Variants in PCSK6 observed in about 807,000 individuals in gnomAD.
PCSK6 encodes proprotein convertase subtilisin/kexin type 6.
A neutral mutation model predicts 123.3 loss-of-function variants in PCSK6; 85 were observed. The observed-to-expected ratio is 0.69, with a 90% CI of 0.58 to 0.83. The LOEUF is 0.83. Ranked by LOEUF, PCSK6 falls within the 40% of genes least tolerant of loss-of-function variation. The probability of loss-of-function intolerance (pLI) is 0.00; values close to 1 mark genes in which losing one functional copy is unlikely to be tolerated. For synonymous variants in PCSK6, 508 were observed against 516.0 expected (o/e 0.98, Z 0.21); for missense variants, 1,191 against 1,282.3 (o/e 0.93, Z 1.09).
intron 13 of PCSK6, among the ~76,000 whole-genome samples, chr15:101,332,987 C>G (rs2040401873): frequency 6.6e-6 from 1 of 152,190 alleles, no homozygotes; most frequent in Admixed American, 6.5e-5. Flanking sequence ...CAGTACACTC[C>G]TAGACTTAAT....
intron 8 of PCSK6, among the ~76,000 whole-genome samples, chr15:101,392,061 G>A (rs902750362): frequency 6.6e-6 from 1 of 152,164 alleles, no homozygotes; most frequent in African/African-American, 2.4e-5. Context: ...CTGCCTGCAC[G>A]CAGTCCATGT....
chr15:101,347,597 C>T lies in PCSK6; in HGVS notation c.1859-15566G>A, dbSNP rs573845020. Reference sequence around the variant, plus strand: ...CAGTCAATCAACAACTGTTTGTGAGCCATGTCCAAAGTGCTGAGCCTCTGG... The same window carrying T: ...CAGTCAATCAACAACTGTTTGTGAGTCATGTCCAAAGTGCTGAGCCTCTGG... On this transcript the variant is annotated intron_variant, in intron 13 of 21. Transcript: ENST00000611716. The T allele has an allele frequency of 9.8e-5, 146 of 1,488,420 alleles. 2 individuals carry two copies. The South Asian group carries it at 1.9e-3, about 19-fold the overall frequency. The allele number at this position is 1,488,420 out of a possible 1,614,324, so 92.2% of individuals were successfully genotyped here.
At chr15:101,450,229 A>G (rs2056999072) in intron 1 of PCSK6, among the ~76,000 whole-genome samples, 1 of 145,566 alleles carries the variant, frequency 6.9e-6, no homozygotes, top group African/African-American at 2.6e-5. Context: ...CCGCACTGAC[A>G]CTCCCACCCT....
At chr15:101,311,485 C>T (rs1189180600) in intron 20 of PCSK6, among the ~76,000 whole-genome samples, 1 of 151,996 alleles carries the variant, frequency 6.6e-6, no homozygotes, top group Non-Finnish European at 1.5e-5. Context: ...CTTCACCTGC[C>T]ATCAGGAGTG....
intron 15 of PCSK6, 87 bp downstream of exon 15, chr15:101,331,564 G>T: frequency 7.9e-7 from 1 of 1,272,728 alleles, no homozygotes; most frequent in Non-Finnish European, 1.1e-6. Context: ...TTACCAGGGG[G>T]CAAGACCCCA....
chr15:101,331,531 G>A lies in PCSK6; in HGVS notation c.2077+120C>T. 3 of 837,696 alleles carry A rather than the reference G, an allele frequency of 3.6e-6. No individual in the cohort carries two copies. The South Asian group carries it at 4.4e-5, about 12-fold the overall frequency. 51.9% of individuals were successfully genotyped at this position (837,696 alleles called of 1,614,324 possible). On this transcript the variant is annotated intron_variant, in intron 15 of 21. Transcript: ENST00000611716. ...TGTGAGATGGGGGCCTTTGGAAAGG[G>A]GGTGCTCCTAGAAGTGGCTAACTTA...
chr15:101,305,721 A>G lies in PCSK6; in HGVS notation c.2813-366T>C. The G allele has an allele frequency of 5.7e-6, 1 of 176,422 alleles. No individual in the cohort carries two copies. The allele number at this position is 176,422 out of a possible 1,614,324, so 10.9% of individuals were successfully genotyped here. ...AAAACTCCGTCTCAAAAATAAATAA[A>G]TAAATACATAAATAAATATTGTTTC... is the stretch of plus-strand genomic sequence containing the variant. On this transcript the variant is annotated intron_variant, in intron 21 of 21. Transcript: ENST00000611716. The surrounding 1 kb of genome is among the most constrained non-coding windows in gnomAD (Gnocchi z 4.8).
In PCSK6 at chr15:101,398,240, T is replaced by C. The variant is rs2042474264; in HGVS notation, c.996+164A>G. 6.6e-6 allele frequency among the ~76,000 whole-genome samples: 1 copy of C among 152,194 alleles called. No individual in the cohort carries two copies. Among genetic ancestry groups the C allele is most frequent in the Non-Finnish European group, 1.5e-5 (1 of 68,028 alleles). ...GCTCTCGCCGGTCAAGAGCCACTTC[T>C]CAGACTCCCCGAGTGACTCCTCCAC... On this transcript the variant is annotated intron_variant, in intron 7 of 21. Transcript: ENST00000611716. The surrounding 1 kb of genome is among the most constrained non-coding windows in gnomAD (Gnocchi z 4.6).
At chr15:101,331,559 A>C in intron 15 of PCSK6, 92 bp downstream of exon 15, 1 of 1,217,238 alleles carries the variant, frequency 8.2e-7, no homozygotes, top group Non-Finnish European at 1.2e-6. Flanking sequence ...CTAACTTACC[A>C]GGGGGCAAGA....
At chr15:101,308,622 CCTTT>C (rs2039778558) in intron 20 of PCSK6, 1 of 152,326 alleles carries the variant, frequency 6.6e-6, no homozygotes, top group African/African-American at 2.4e-5. Flanking sequence ...CACCCACGAG[CCTTT>C]CTAATATTCC....
chr15:101,368,201 C>T (rs1354092335), intron 12 of PCSK6, among the ~76,000 whole-genome samples: 1 of 152,136 alleles, frequency 6.6e-6, no homozygotes, highest in Non-Finnish European at 1.5e-5. Context: ...CAGGACCTGC[C>T]CTCTATTATC....
chr15:101,468,338 C>T (rs1391808369), intron 1 of PCSK6, among the ~76,000 whole-genome samples: 1 of 152,172 alleles, frequency 6.6e-6, no homozygotes, highest in Non-Finnish European at 1.5e-5. Context: ...TTCATATTCA[C>T]TGTGTGAAAA....
At chr15:101,356,394 C>T (rs1420382796) in intron 13 of PCSK6, among the ~76,000 whole-genome samples, 1 of 151,492 alleles carries the variant, frequency 6.6e-6, no homozygotes, top group Non-Finnish European at 1.5e-5. Context: ...GGTGCAGTGG[C>T]TCACCCTGTA....
At chr15:101,382,011 C>G in intron 11 of PCSK6, 81 bp downstream of exon 11, 3 of 906,622 alleles carry the variant, frequency 3.3e-6, no homozygotes, top group Non-Finnish European at 5.2e-6. Context: ...GTGTGAACAC[C>G]TCCCCCAGCC....
intron 11 of PCSK6, 54 bp from the exon 12 acceptor site, chr15:101,370,577 C>A: frequency 1.4e-6 from 2 of 1,382,806 alleles, no homozygotes; most frequent in Non-Finnish European, 1.9e-6. Context: ...AAGTCTCACC[C>A]ACACAGCCAG....
intron 6 of PCSK6, among the ~76,000 whole-genome samples, chr15:101,411,138 A>G (rs2055667365): frequency 6.6e-6 from 1 of 152,216 alleles, no homozygotes. Flanking sequence ...AAAGACGGGA[A>G]GCAGAGGGCA....
In PCSK6 at chr15:101,443,536, A is replaced by G. The variant is rs757352195; in HGVS notation, c.402+20T>C. 4 of 1,554,564 alleles carry G rather than the reference A, an allele frequency of 2.6e-6. No individual in the cohort carries two copies. Among genetic ancestry groups the G allele is most frequent in the South Asian group, 1.1e-5 (1 of 89,668 alleles). ...ACCCAAACCCTCCAGCCCTTAGGAAAGCATCCGGACACTCTGTACCTGGGG... is the reference window on the plus strand; with the variant it reads ...ACCCAAACCCTCCAGCCCTTAGGAAGGCATCCGGACACTCTGTACCTGGGG... On this transcript the variant is annotated intron_variant, in intron 2 of 21. Transcript: ENST00000611716.
chr15:101,449,697 T>C (rs939126616), intron 1 of PCSK6, among the ~76,000 whole-genome samples: 2 of 152,220 alleles, frequency 1.3e-5, no homozygotes, highest in Admixed American at 1.3e-4. Context: ...TCCAGAGGTC[T>C]GAACAGCCAC....
At chr15:101,387,876 T>C (rs1011273166) in intron 9 of PCSK6, among the ~76,000 whole-genome samples, 7 of 152,230 alleles carry the variant, frequency 4.6e-5, no homozygotes, top group African/African-American at 1.7e-4. Context: ...TTCCCAGACA[T>C]CAACCGTTCC....
Sources: allele counts gnomAD v4.1 joint callset (sites outside exome capture counted in the v4.1 genomes callset), GRCh38; gene constraint gnomAD v4.1.1; non-coding constraint Gnocchi (gnomAD v3.1); transcripts MANE v1.5; gene names NCBI Gene and HGNC (gene_info 2026-07-23, HGNC 2026-07-21).